Variants in C2CD5 observed in about 807,000 individuals in gnomAD.
The protein encoded by C2CD5 is C2 domain-containing protein 5.
Under a neutral mutation model 130.3 loss-of-function variants are expected in C2CD5, and 109 were observed. The observed-to-expected ratio is 0.84, with a 90% CI of 0.72 to 0.98. C2CD5 has a LOEUF of 0.98. C2CD5 is among the 50% of genes least tolerant of loss of function. C2CD5 has a pLI of 0.00. For synonymous variants in C2CD5, 454 were observed against 429.2 expected (o/e 1.06, Z -0.71); for missense variants, 996 against 1,261.8 (o/e 0.79, Z 3.19).
intron 8 of C2CD5, among the ~76,000 whole-genome samples, chr12:22,516,622 T>C (rs1003939340): frequency 4.7e-5 from 7 of 150,464 alleles, no homozygotes. Context: ...CCAAACTTTA[T>C]CTGTGGTATG....
intron 3 of C2CD5, among the ~76,000 whole-genome samples, chr12:22,530,141 G>C (rs1164090379): frequency 2.1e-4 from 23 of 110,048 alleles, no homozygotes; most frequent in Admixed American, 6.3e-4. Flanking sequence ...CACACACACA[G>C]TGTATATATA....
intron 5 of C2CD5, among the ~76,000 whole-genome samples, chr12:22,525,265 T>C (rs1254140226): frequency 6.6e-6 from 1 of 152,188 alleles, no homozygotes; most frequent in Non-Finnish European, 1.5e-5. Flanking sequence ...CAGACCCATA[T>C]ATTTCATGGA....
chr12:22,527,777 T>C lies in C2CD5; in HGVS notation c.293A>G (p.Tyr98Cys), dbSNP rs570209510. 106 of 1,607,202 alleles carry C rather than the reference T, an allele frequency of 6.6e-5. No individual in the cohort carries two copies. The East Asian group carries it at 1.3e-3, about 20-fold the overall frequency. ...TGAGATGACTGTTGCAGCTTCACTA[T>C]ACAGTAAAGGATCAATATCAATGTA... ...KVYIDIDPLLYSEAATVISGW... is the reference protein window; with the variant it reads ...KVYIDIDPLLCSEAATVISGW... Residue 98 changes from tyrosine (Y) to cysteine (C), a missense_variant, in exon 4 of 27, where the codon TAT becomes TGT. Tyr to Cys is a radical substitution (Grantham distance 194). Transcript: ENST00000446597.
Position 22,518,119 on chromosome 12 carries a change from A to G in C2CD5, c.819T>C (p.Asp273=), listed in dbSNP as rs1222371521. 6.2e-7 allele frequency: 1 copy of G among 1,613,754 alleles called. No individual in the cohort carries two copies. The highest frequency in any genetic ancestry group is 2.2e-5 in the East Asian group (1 of 44,874). The stretch of plus-strand genomic sequence containing the variant: ...CTGATGAGTGAGTATTGGGATTGGG[A>G]TCTTCATTGAAGGGAATCCTGCCAG... ...KEMKEIPFNE[D]PNPNTHSSGP... The change falls in exon 8 of 27, where the codon GAT becomes GAC. Residue 273 remains aspartate, a synonymous_variant. Coordinates refer to ENST00000446597, the MANE Select transcript of C2CD5 (RefSeq NM_001286176.2).
At chr12:22,521,323 G>A (rs1034426212) in intron 7 of C2CD5, among the ~76,000 whole-genome samples, 4 of 152,252 alleles carry the variant, frequency 2.6e-5, no homozygotes, top group East Asian at 1.9e-4. Context: ...AGGAACTTAC[G>A]TCCATCATGA....
rs1349939158 is a variant in C2CD5, at chr12:22,453,719, T to G, written c.3024+177A>C. On this transcript the variant is annotated intron_variant, in intron 26 of 26. Coordinates refer to ENST00000446597, the MANE Select transcript of C2CD5 (RefSeq NM_001286176.2). ...AGTTACCTGAGATGTCGAAATAGCA[T>G]GTATTGACTTGTGACTATGTATGAC... is the stretch of plus-strand genomic sequence containing the variant. Among the ~76,000 whole-genome samples the G allele has an allele frequency of 3.9e-5, 6 of 152,314 alleles. No homozygotes were observed. The South Asian group carries it at 1.2e-3, about 32-fold the overall frequency.
chr12:22,526,281 G>A (rs1158765977), intron 4 of C2CD5, among the ~76,000 whole-genome samples: 1 of 152,126 alleles, frequency 6.6e-6, no homozygotes, highest in African/African-American at 2.4e-5. Context: ...TGATGATAAT[G>A]ATTATGGTGA....
intron 7 of C2CD5, chr12:22,519,011 C>A (rs1950028390): frequency 2.0e-6 from 2 of 988,460 alleles, no homozygotes; most frequent in Non-Finnish European, 1.4e-6. Context: ...AAGGATGAAG[C>A]AAAGATTTAT....
chr12:22,483,712 G>A (rs1034769907), intron 13 of C2CD5, among the ~76,000 whole-genome samples: 5 of 152,036 alleles, frequency 3.3e-5, no homozygotes, highest in African/African-American at 1.2e-4. Flanking sequence ...AAAAATCAAC[G>A]GACTTTGTAA....
chr12:22,483,000 C>A (rs1944944845), intron 13 of C2CD5, among the ~76,000 whole-genome samples: 1 of 151,996 alleles, frequency 6.6e-6, no homozygotes, highest in South Asian at 2.1e-4. Flanking sequence ...TATCTACAGT[C>A]AATAATAATT....
intron 3 of C2CD5, among the ~76,000 whole-genome samples, chr12:22,532,326 G>A (rs1250189185): frequency 5.8e-5 from 8 of 137,738 alleles, no homozygotes; most frequent in Non-Finnish European, 7.5e-5. Flanking sequence ...GTGAAACTCC[G>A]TCTCAAAAAA....
intron 22 of C2CD5, among the ~76,000 whole-genome samples, chr12:22,459,864 T>C (rs774263155): frequency 2.0e-5 from 3 of 152,176 alleles, no homozygotes; most frequent in Non-Finnish European, 2.9e-5. Context: ...GATGTGAGAC[T>C]AGGCAGAGAA....
intron 12 of C2CD5, among the ~76,000 whole-genome samples, chr12:22,486,330 T>C (rs1945514103): frequency 6.6e-6 from 1 of 152,192 alleles, no homozygotes; most frequent in Admixed American, 6.6e-5. Context: ...ATCTGCACTC[T>C]AGTTTGTTCA....
chr12:22,500,832 G>C (rs1591862476), intron 10 of C2CD5, among the ~76,000 whole-genome samples: 1 of 151,762 alleles, frequency 6.6e-6, no homozygotes, highest in Middle Eastern at 3.4e-3. Context: ...CTTTTTCTTG[G>C]AAGTCTGTTA....
At chr12:22,458,061 AGTAAG>A (rs1332603405) in intron 24 of C2CD5, among the ~76,000 whole-genome samples, 1 of 152,182 alleles carries the variant, frequency 6.6e-6, no homozygotes, top group African/African-American at 2.4e-5. Context: ...TGATTCTAGC[AGTAAG>A]GTAATAACTA....
At chr12:22,520,700 A>G (rs935987677) in intron 7 of C2CD5, among the ~76,000 whole-genome samples, 1 of 152,188 alleles carries the variant, frequency 6.6e-6, no homozygotes, top group African/African-American at 2.4e-5. Context: ...AGTAGTATAC[A>G]CAGGAGAATT....
At chr12:22,490,277 T>C (rs1946168476) in intron 11 of C2CD5, 59 bp from the exon 12 acceptor site, 2 of 1,126,332 alleles carry the variant, frequency 1.8e-6, no homozygotes, top group Non-Finnish European at 2.7e-6. Context: ...CTTTGGGAAA[T>C]GCTAAATATC....
chr12:22,490,355 A>G lies in C2CD5; in HGVS notation c.1263-137T>C, dbSNP rs542260508. 7 of 508,856 alleles carry G rather than the reference A, an allele frequency of 1.4e-5. 1 individual carries two copies. Among genetic ancestry groups the G allele is most frequent in the African/African-American group, 1.4e-4 (7 of 51,580 alleles). 31.5% of individuals were successfully genotyped at this position (508,856 alleles called of 1,614,324 possible). A position where few individuals can be genotyped will look rare whatever the true frequency, so the allele number is the denominator to read the frequency against. On this transcript the variant is annotated intron_variant, in intron 11 of 26. Transcript: ENST00000446597. Reference sequence around the variant, plus strand: ...TACTCAATATTAAATAATATTTACGAGGTTTACCTCCTAAACCTAGCCTAG... The same window carrying G: ...TACTCAATATTAAATAATATTTACGGGGTTTACCTCCTAAACCTAGCCTAG...
In C2CD5 at chr12:22,518,010, C is replaced by G; in HGVS notation, c.928G>C (p.Asp310His). The change falls in exon 8 of 27, where the codon GAT becomes CAT. Residue 310 changes from aspartate (D) to histidine (H), a missense_variant. Asp to His is a moderately conservative substitution (Grantham distance 81). Transcript: ENST00000446597. ...YSRQSSSSDT[D>H]LSLTPKTGMG... ...CCAGTTTTGGGTGTCAAACTCAAAT[C>G]TGTGTCAGAAGAAGAGGACTGTCGA... The G allele has an allele frequency of 6.2e-7, 1 of 1,613,302 alleles. No homozygotes were observed.
Sources: allele counts gnomAD v4.1 joint callset (sites outside exome capture counted in the v4.1 genomes callset), GRCh38; gene constraint gnomAD v4.1.1; transcripts MANE v1.5; gene names NCBI Gene and HGNC (gene_info 2026-07-23, HGNC 2026-07-21).